Variants in INPP4B observed in about 807,000 individuals in gnomAD.
The protein encoded by INPP4B is inositol polyphosphate-4-phosphatase type II B, also known as inositol polyphosphate 4-phosphatase type II.
In INPP4B, 55 loss-of-function variants were observed where a neutral mutation model predicts 122.5. The ratio of observed to expected loss-of-function variants is 0.45; its 90% CI spans 0.36 to 0.56. The LOEUF (loss-of-function observed/expected upper bound fraction) is 0.56. INPP4B is among the 20% of genes least tolerant of loss of function. INPP4B has a pLI of 0.00. For missense variants in INPP4B, 1,000 were observed against 1,097.7 expected, an observed-to-expected ratio of 0.91 and a Z score of 1.26; for synonymous variants, 403 against 388.7, an observed-to-expected ratio of 1.04 and a Z score of -0.43.
At chr4:142,057,906 T>C (rs539890766) in intron 25 of INPP4B, among the ~76,000 whole-genome samples, 1 of 152,206 alleles carries the variant, frequency 6.6e-6, no homozygotes, top group South Asian at 2.1e-4. Context: ...GAAAGCATCA[T>C]AGGGTGTCAG....
At chr4:142,666,450 A>G (rs990184898) in intron 2 of INPP4B, among the ~76,000 whole-genome samples, 1 of 152,150 alleles carries the variant, frequency 6.6e-6, no homozygotes, top group Non-Finnish European at 1.5e-5. Context: ...AGGCAAAGTT[A>G]TGTGAGTTAA....
intron 25 of INPP4B, among the ~76,000 whole-genome samples, chr4:142,049,335 G>C (rs1441967815): frequency 6.6e-6 from 1 of 151,826 alleles, no homozygotes; most frequent in Non-Finnish European, 1.5e-5. Context: ...CATTTGTTTT[G>C]GCTTATAGTT....
Position 142,749,123 on chromosome 4 carries a change from A to G in INPP4B, c.-253-23222T>C, listed in dbSNP as rs190314899. Among the ~76,000 whole-genome samples the G allele has an allele frequency of 3.2e-3, 486 of 149,812 alleles. 2 individuals are homozygous for G. Among genetic ancestry groups the G allele is most frequent in the Middle Eastern group, 0.011 (3 of 280 alleles). On this transcript the variant is annotated intron_variant, in intron 1 of 25. Transcript: ENST00000262992. The stretch of plus-strand genomic sequence containing the variant: ...CACTGCTCTCCAGCCTGAGTGACAG[A>G]ACAAGACTCTGTCTCAAATATATAT...
chr4:142,077,796 G>A (rs336382), intron 25 of INPP4B, among the ~76,000 whole-genome samples: 135,957 of 151,822 alleles, frequency 0.9, 62,204 homozygotes, highest in Non-Finnish European at 0.98. Flanking sequence ...AAACTCAAGG[G>A]AAGGATAGAC....
At chr4:142,731,409 T>C (rs1766067860) in intron 1 of INPP4B, among the ~76,000 whole-genome samples, 1 of 152,090 alleles carries the variant, frequency 6.6e-6, no homozygotes, top group Admixed American at 6.6e-5. Context: ...ACAAGATAAA[T>C]AAAATTAAAA....
chr4:142,059,398 T>C (rs1759428759), intron 25 of INPP4B, among the ~76,000 whole-genome samples: 1 of 152,112 alleles, frequency 6.6e-6, no homozygotes, highest in Non-Finnish European at 1.5e-5. Context: ...AAATTCTGTT[T>C]CCATTAAGTA....
chr4:142,829,458 T>C (rs1476459353), intron 1 of INPP4B, among the ~76,000 whole-genome samples: 1 of 152,158 alleles, frequency 6.6e-6, no homozygotes, highest in South Asian at 2.1e-4. Flanking sequence ...TACGTGGACC[T>C]GCTCCACAAA....
At chr4:142,648,685 G>A (rs1752318070) in intron 2 of INPP4B, among the ~76,000 whole-genome samples, 1 of 152,234 alleles carries the variant, frequency 6.6e-6, no homozygotes, top group Non-Finnish European at 1.5e-5. Context: ...ACTGGGCTGG[G>A]CGGAGCCCAC....
intron 7 of INPP4B, among the ~76,000 whole-genome samples, chr4:142,322,495 G>C (rs1030724553): frequency 6.6e-6 from 1 of 152,166 alleles, no homozygotes; most frequent in Non-Finnish European, 1.5e-5. Flanking sequence ...AGGAATTGGA[G>C]AGGACTCTGG....
Position 142,071,734 on chromosome 4 carries a change from A to T in INPP4B, c.2642+10297T>A, listed in dbSNP as rs569804071. Among the ~76,000 whole-genome samples the T allele has an allele frequency of 9.2e-5, 14 of 152,388 alleles. No homozygotes were observed. The South Asian group carries it at 2.9e-3, about 32-fold the overall frequency. Reference sequence around the variant, plus strand: ...TTATGCAGCTACAGACACATGAAAAAAATGCTTATCATCACTGGCCATCAG... The same window carrying T: ...TTATGCAGCTACAGACACATGAAAATAATGCTTATCATCACTGGCCATCAG... On this transcript the variant is annotated intron_variant, in intron 25 of 25. Transcript: ENST00000262992.
intron 2 of INPP4B, among the ~76,000 whole-genome samples, chr4:142,628,249 A>G (rs1263818590): frequency 6.7e-6 from 1 of 148,940 alleles, no homozygotes; most frequent in Non-Finnish European, 1.5e-5. Context: ...TGATGAGTTC[A>G]TGTCCTTTGT....
intron 1 of INPP4B, among the ~76,000 whole-genome samples, chr4:142,728,526 G>T (rs1356063738): frequency 1.3e-5 from 2 of 152,102 alleles, no homozygotes; most frequent in African/African-American, 4.8e-5. Flanking sequence ...GAATAAGGTG[G>T]CCCCTTAAAC....
At chr4:142,055,252 TATTA>T (rs755306030) in intron 25 of INPP4B, among the ~76,000 whole-genome samples, 6 of 152,138 alleles carry the variant, frequency 3.9e-5, no homozygotes, top group East Asian at 1.9e-4. Context: ...ATTAATGGTT[TATTA>T]ATTAATAATG....
intron 1 of INPP4B, among the ~76,000 whole-genome samples, chr4:142,833,862 T>C (rs1782462964): frequency 6.6e-6 from 1 of 152,154 alleles, no homozygotes; most frequent in Non-Finnish European, 1.5e-5. Flanking sequence ...AGCTCTTCTA[T>C]CCCAGGCCTC....
At chr4:142,076,531 C>A (rs1178713390) in intron 25 of INPP4B, among the ~76,000 whole-genome samples, 1 of 151,970 alleles carries the variant, frequency 6.6e-6, no homozygotes, top group East Asian at 1.9e-4. Flanking sequence ...GCTGCAAATA[C>A]TGACTGAAGT....
intron 3 of INPP4B, among the ~76,000 whole-genome samples, chr4:142,460,613 A>G (rs1386078946): frequency 2.6e-5 from 4 of 152,150 alleles, no homozygotes; most frequent in Admixed American, 2.6e-4. Flanking sequence ...GCAAATGGCA[A>G]GAGTAGTAAT....
chr4:142,540,340 T>G (rs1253569714), intron 2 of INPP4B, among the ~76,000 whole-genome samples: 1 of 151,698 alleles, frequency 6.6e-6, no homozygotes, highest in Non-Finnish European at 1.5e-5. Context: ...GGGTTTTTTT[T>G]TTTCACCCAG....
intron 5 of INPP4B, chr4:142,427,604 G>C: frequency 2.4e-6 from 1 of 410,768 alleles, no homozygotes; most frequent in African/African-American, 2.1e-5. Flanking sequence ...TTTGGTTCAA[G>C]TATGCCATTT....
intron 25 of INPP4B, among the ~76,000 whole-genome samples, chr4:142,075,201 C>CTTTTCAT (rs1769932647): frequency 1.3e-5 from 2 of 152,010 alleles, no homozygotes; most frequent in Non-Finnish European, 2.9e-5. Flanking sequence ...AAAAGATGTT[C>CTTTTCAT]ACTTTTGACT....
Sources: allele counts gnomAD v4.1 joint callset (sites outside exome capture counted in the v4.1 genomes callset), GRCh38; gene constraint gnomAD v4.1.1; transcripts MANE v1.5; gene names NCBI Gene and HGNC (gene_info 2026-07-23, HGNC 2026-07-21).